Variants in MEI4 observed in about 807,000 individuals in gnomAD.
The protein encoded by MEI4 is meiosis-specific protein MEI4.
In MEI4, 27 loss-of-function variants were observed where a neutral mutation model predicts 31.4. The observed-to-expected ratio is 0.86, with a 90% CI of 0.63 to 1.19. MEI4 has a LOEUF of 1.19. MEI4 is among the 50% of genes most tolerant of loss of function. The pLI, the probability that MEI4 is intolerant of heterozygous loss-of-function variation, is 0.00. For missense variants in MEI4, 329 were observed against 398.9 expected, an observed-to-expected ratio of 0.82 and a Z score of 1.49; for synonymous variants, 122 against 145.4, an observed-to-expected ratio of 0.84 and a Z score of 1.16.
At chr6:77,810,397 T>G (rs534861252) in intron 3 of MEI4, among the ~76,000 whole-genome samples, 7 of 152,268 alleles carry the variant, frequency 4.6e-5, no homozygotes, top group Admixed American at 2.0e-4. Context: ...CAGTCTGTCA[T>G]GATTAGACAC....
intron 2 of MEI4, among the ~76,000 whole-genome samples, chr6:77,745,894 G>T (rs547720331): frequency 1.3e-5 from 2 of 152,096 alleles, no homozygotes; most frequent in East Asian, 3.9e-4. Context: ...GAAATGAAGG[G>T]AGAAATAAAG....
At chr6:77,766,075 A>G (rs1040379118) in intron 3 of MEI4, among the ~76,000 whole-genome samples, 3 of 152,214 alleles carry the variant, frequency 2.0e-5, no homozygotes, top group Non-Finnish European at 4.4e-5. Context: ...CTCCATATAT[A>G]TTAGGAAGCT....
intron 4 of MEI4, among the ~76,000 whole-genome samples, chr6:77,922,102 T>C (rs1766716856): frequency 6.6e-6 from 1 of 151,556 alleles, no homozygotes; most frequent in Admixed American, 6.6e-5. Context: ...TAAAATGAGG[T>C]ATGCCTGTAT....
chr6:77,876,159 T>C (rs937955503), intron 4 of MEI4, among the ~76,000 whole-genome samples: 1 of 152,216 alleles, frequency 6.6e-6, no homozygotes, highest in Non-Finnish European at 1.5e-5. Flanking sequence ...ATGATAGATT[T>C]TCATATCTAT....
intron 3 of MEI4, among the ~76,000 whole-genome samples, chr6:77,815,118 C>A (rs1769659312): frequency 6.6e-6 from 1 of 152,090 alleles, no homozygotes; most frequent in Non-Finnish European, 1.5e-5. Flanking sequence ...ACCATATCCT[C>A]TAACCCCCAC....
At chr6:77,864,429 T>C (rs1335663756) in intron 4 of MEI4, among the ~76,000 whole-genome samples, 2 of 152,102 alleles carry the variant, frequency 1.3e-5, no homozygotes, top group African/African-American at 2.4e-5. Flanking sequence ...GGGGTTGCAA[T>C]CCTAGTCTCT....
upstream of MEI4, among the ~76,000 whole-genome samples, chr6:77,652,760 A>G (rs1304070940): frequency 6.6e-6 from 1 of 152,160 alleles, no homozygotes; most frequent in Non-Finnish European, 1.5e-5. Context: ...TAAGATTTTC[A>G]GAGCTCATCA....
rs1221589528 is a variant in MEI4, at chr6:77,924,321, A to T, written c.*975A>T. The T allele has an allele frequency of 6.6e-6, 1 of 151,918 alleles. No homozygotes were observed. The highest frequency in any genetic ancestry group is 1.5e-5 in the Non-Finnish European group (1 of 67,890). 9.4% of individuals were successfully genotyped at this position (151,918 alleles called of 1,614,324 possible). A position where few individuals can be genotyped will look rare whatever the true frequency, so the allele number is the denominator to read the frequency against. ...GTCGTTGGCATTAAAAGTAATCTTGATAATTCCATCTACAATGTATATACA... is the reference window on the plus strand; with the variant it reads ...GTCGTTGGCATTAAAAGTAATCTTGTTAATTCCATCTACAATGTATATACA... On this transcript the variant is annotated 3_prime_UTR_variant, in exon 5 of 5. Transcript: ENST00000684080.
intron 2 of MEI4, among the ~76,000 whole-genome samples, chr6:77,691,150 T>TA (rs1769149975): frequency 6.6e-6 from 1 of 152,054 alleles, no homozygotes. Context: ...TAAGGTCTTT[T>TA]AAAATCTCAT....
rs1014041612 is a variant in MEI4 at position 77,678,023 on chromosome 6, C to A, written c.-14-12635C>A. Among the ~76,000 whole-genome samples the A allele has an allele frequency of 2.0e-5, 3 of 152,162 alleles. No homozygotes were observed. The East Asian group carries it at 5.8e-4, about 29-fold the overall frequency. Reference sequence around the variant, plus strand: ...AGCAGGAGCTACTTTGAAAAATTTTCATGGTTTTAAACAATTGATTTTAAT... The same window carrying A: ...AGCAGGAGCTACTTTGAAAAATTTTAATGGTTTTAAACAATTGATTTTAAT... On this transcript the variant is annotated intron_variant, in intron 1 of 4. Coordinates refer to ENST00000684080, the MANE Select transcript of MEI4 (RefSeq NM_001322247.2).
chr6:77,794,200 C>G (rs562499283), intron 3 of MEI4, among the ~76,000 whole-genome samples: 64 of 152,214 alleles, frequency 4.2e-4, no homozygotes, highest in Non-Finnish European at 2.8e-4. Flanking sequence ...GACACAGACA[C>G]AAAAATTCAC....
intron 2 of MEI4, among the ~76,000 whole-genome samples, chr6:77,744,643 G>C (rs1351359555): frequency 6.6e-6 from 1 of 152,150 alleles, no homozygotes; most frequent in Non-Finnish European, 1.5e-5. Flanking sequence ...TCCTGGAGAA[G>C]AGCAACTCCA....
At chr6:77,680,852 T>C (rs1562203607) in intron 1 of MEI4, among the ~76,000 whole-genome samples, 1 of 152,112 alleles carries the variant, frequency 6.6e-6, no homozygotes, top group Non-Finnish European at 1.5e-5. Context: ...TTTAAATGAG[T>C]GAGACTGATG....
intron 2 of MEI4, among the ~76,000 whole-genome samples, chr6:77,745,827 C>T (rs560000882): frequency 2.6e-4 from 40 of 152,160 alleles, no homozygotes; most frequent in East Asian, 7.7e-4. Context: ...CACTCAAAAC[C>T]GCTCAACTAC....
At chr6:77,765,040 GCA>G (rs1385026069) in intron 3 of MEI4, among the ~76,000 whole-genome samples, 1 of 152,098 alleles carries the variant, frequency 6.6e-6, no homozygotes, top group Non-Finnish European at 1.5e-5. Context: ...ATTATTTTTA[GCA>G]CAGTGATCAA....
chr6:77,915,667 A>G (rs1766528780), intron 4 of MEI4, among the ~76,000 whole-genome samples: 1 of 151,876 alleles, frequency 6.6e-6, no homozygotes, highest in Non-Finnish European at 1.5e-5. Flanking sequence ...TCTTCTTTCT[A>G]ATTGGTCCCT....
intron 3 of MEI4, among the ~76,000 whole-genome samples, chr6:77,772,157 T>C (rs1445394422): frequency 6.6e-6 from 1 of 151,290 alleles, no homozygotes; most frequent in Non-Finnish European, 1.5e-5. Flanking sequence ...CTAATACCAA[T>C]CCTGCTCAAA....
chr6:77,732,450 A>G (rs1390128260), intron 2 of MEI4, among the ~76,000 whole-genome samples: 1 of 151,986 alleles, frequency 6.6e-6, no homozygotes, highest in African/African-American at 2.4e-5. Flanking sequence ...GGTGTATAAG[A>G]ATGCTTGTGA....
chr6:77,699,531 C>G (rs1182243757), intron 2 of MEI4, among the ~76,000 whole-genome samples: 1 of 152,204 alleles, frequency 6.6e-6, no homozygotes, highest in Non-Finnish European at 1.5e-5. Flanking sequence ...TGAATTTCCT[C>G]CTCTAGCTCG....
Sources: gnomAD v4.1 joint callset for allele counts (sites outside exome capture counted in the v4.1 genomes callset) on GRCh38, gnomAD v4.1.1 for gene constraint, MANE v1.5 for transcripts, NCBI Gene and HGNC (gene_info 2026-07-23, HGNC 2026-07-21) for gene names.